KIF2C: variants seen among roughly 807,000 people sequenced by gnomAD.
The protein encoded by KIF2C is kinesin-like protein KIF2C.
A neutral mutation model predicts 97.4 loss-of-function variants in KIF2C; 34 were observed. The observed-to-expected ratio is 0.35, with a 90% CI of 0.27 to 0.46. The LOEUF (loss-of-function observed/expected upper bound fraction) is 0.46, where lower values mean the gene tolerates loss of function less well. Ranked by LOEUF, KIF2C falls within the 20% of genes least tolerant of loss-of-function variation. The probability of loss-of-function intolerance (pLI) is 1.00; values close to 1 mark genes in which losing one functional copy is unlikely to be tolerated. For synonymous variants in KIF2C, 313 were observed against 318.2 expected (o/e 0.98, Z 0.17); for missense variants, 750 against 907.6 (o/e 0.83, Z 2.23).
chr1:44,745,559 C>T (rs1386068764), intron 2 of KIF2C, among the ~76,000 whole-genome samples: 11 of 142,230 alleles, frequency 7.7e-5, no homozygotes, highest in African/African-American at 2.1e-4. Flanking sequence ...CTGCAACCTC[C>T]GCCTCCCGGG....
Position 44,767,274 on chromosome 1 carries a change from T to C in KIF2C, c.*95T>C. The C allele has an allele frequency of 9.3e-7, 1 of 1,080,640 alleles. No individual in the cohort carries two copies. The highest frequency in any genetic ancestry group is 1.4e-6 in the Non-Finnish European group (1 of 717,094). The allele number at this position is 1,080,640 out of a possible 1,614,324, so 66.9% of individuals were successfully genotyped here. On this transcript the variant is annotated 3_prime_UTR_variant, in exon 21 of 21. Coordinates refer to ENST00000372224, the MANE Select transcript of KIF2C (RefSeq NM_006845.4). ...GTACCTGGTGGGTCTAGGCAGGGTC[T>C]GAGCTGGGACAGGTTCTGGTAAATG...
At position 44,757,789 on chromosome 1, in the gene KIF2C, G is replaced by C. The variant is rs1277310567; in HGVS notation, c.1069-119G>C. 3.4e-6 allele frequency: 4 copies of C among 1,180,802 alleles called. No individual in the cohort carries two copies. In the African/African-American group the frequency reaches 6.0e-5, roughly 18 times the overall value. The allele number at this position is 1,180,802 out of a possible 1,614,324, so 73.1% of individuals were successfully genotyped here. ...ATAGCCTTGCCATGTCAGATGCAGG[G>C]AGGGGCTTTAGGTCCAGCCTTCTGG... On this transcript the variant is annotated intron_variant, in intron 11 of 20. Transcript: ENST00000372224.
chr1:44,762,745 G>A (rs1299468115), intron 19 of KIF2C, 87 bp downstream of exon 19: 1 of 828,770 alleles, frequency 1.2e-6, no homozygotes, highest in African/African-American at 1.7e-5. Context: ...CCTGGGCCTT[G>A]TTCCCACAGG....
rs1320974560 is a variant in KIF2C at position 44,750,476 on chromosome 1, C to A, written c.351C>A (p.Val117=). 3 of 1,586,616 alleles carry A rather than the reference C, an allele frequency of 1.9e-6. No homozygotes were observed. Among genetic ancestry groups the A allele is most frequent in the Non-Finnish European group, 2.6e-6 (3 of 1,164,242 alleles). The change falls in exon 5 of 21, where the codon GTC becomes GTA. Residue 117 remains valine, a synonymous_variant. Coordinates refer to ENST00000372224, the MANE Select transcript of KIF2C (RefSeq NM_006845.4). The stretch of plus-strand genomic sequence containing the variant: ...GCCGCTCCACTCGCATGTCCACTGT[C>A]TCAGAGCTTCGCATCACGGCTCAGG... The part of the protein sequence containing the change: ...LRSRSTRMST[V]SELRITAQEN...
In KIF2C at chr1:44,750,618, C is replaced by G. The variant is rs200689534; in HGVS notation, c.439+54C>G. The G allele has an allele frequency of 3.4e-3, 4,729 of 1,411,358 alleles. 8 individuals carry two copies. Among genetic ancestry groups the G allele is most frequent in the Non-Finnish European group, 4.1e-3 (4,418 of 1,066,646 alleles). The allele number at this position is 1,411,358 out of a possible 1,614,324, so 87.4% of individuals were successfully genotyped here. A position where few individuals can be genotyped will look rare whatever the true frequency, so the allele number is the denominator to read the frequency against. ...ATGTTTGAGGCCCTGGAGCACATTG[C>G]TTGGTCCCTGTGCTAGAATATCCTG... On this transcript the variant is annotated intron_variant, in intron 5 of 20. Coordinates refer to ENST00000372224, the MANE Select transcript of KIF2C (RefSeq NM_006845.4).
chr1:44,764,288 TCCTC>T (rs757289701), intron 19 of KIF2C, among the ~76,000 whole-genome samples: 2 of 150,574 alleles, frequency 1.3e-5, no homozygotes, highest in Non-Finnish European at 3.0e-5. Flanking sequence ...CGATTCTCCT[TCCTC>T]AGCCTCCTGC....
Position 44,760,681 on chromosome 1 carries a change from G to A in KIF2C, c.1662G>A (p.Gly554=), listed in dbSNP as rs373279793. The A allele has an allele frequency of 6.2e-6, 10 of 1,613,916 alleles. No homozygotes were observed. The African/African-American group carries it at 8.0e-5, about 13-fold the overall frequency. ...AGGTGCTGAGGGACTCCTTCATTGG[G>A]GAGAACTCTAGGACTTGCATGGTGA... ...LTQVLRDSFI[G]ENSRTCMIAT... is the part of the protein sequence containing the mutation. Residue 554 remains glycine, a synonymous_variant, in exon 16 of 21, where the codon GGG becomes GGA. Coordinates refer to ENST00000372224, the MANE Select transcript of KIF2C (RefSeq NM_006845.4). This position sits in a 1 kb window ranked among gnomAD's most constrained non-coding sequence, Gnocchi z 4.2.
At chr1:44,747,132 A>AC (rs1332921226) in intron 2 of KIF2C, among the ~76,000 whole-genome samples, 2 of 151,868 alleles carry the variant, frequency 1.3e-5, no homozygotes, top group African/African-American at 4.8e-5. Flanking sequence ...ACATGGTGAA[A>AC]CCCTGTCTCT....
At chr1:44,756,695 G>T (rs974037323) in intron 10 of KIF2C, among the ~76,000 whole-genome samples, 4 of 151,386 alleles carry the variant, frequency 2.6e-5, no homozygotes, top group African/African-American at 7.3e-5. Context: ...TGGGATTACA[G>T]GCGCCTGCCA....
At chr1:44,752,852 A>T (rs1157587853) in intron 5 of KIF2C, among the ~76,000 whole-genome samples, 2 of 152,222 alleles carry the variant, frequency 1.3e-5, no homozygotes, top group African/African-American at 4.8e-5. Context: ...GCTTGGGTGA[A>T]GTCTAAAGAG....
intron 19 of KIF2C, among the ~76,000 whole-genome samples, chr1:44,764,980 C>T (rs1218090037): frequency 1.3e-5 from 2 of 152,104 alleles, no homozygotes; most frequent in South Asian, 2.1e-4. Flanking sequence ...ATTAGCCAGG[C>T]ATGGTGGCAG....
In KIF2C at chr1:44,767,143, T is replaced by C. The variant is rs1650512032; in HGVS notation, c.2142T>C (p.Ala714=). Reference sequence around the variant, plus strand: ...TGGCCATGCAGCTGGAAGAGCAGGCTAGCAGACAAATAAGCAGCAAGAAAC... The same window carrying C: ...TGGCCATGCAGCTGGAAGAGCAGGCCAGCAGACAAATAAGCAGCAAGAAAC... ...LRLAMQLEEQ[A]SRQISSKKRP... Residue 714 remains alanine, a synonymous_variant, in exon 21 of 21, where the codon GCT becomes GCC. Transcript: ENST00000372224. The C allele has an allele frequency of 1.2e-6, 2 of 1,614,046 alleles. No individual in the cohort carries two copies. The highest frequency in any genetic ancestry group is 2.7e-5 in the African/African-American group (2 of 74,922).
At chr1:44,766,688 A>G (rs1650486579) in intron 19 of KIF2C, 138 bp from the exon 20 acceptor site, 1 of 824,800 alleles carries the variant, frequency 1.2e-6, no homozygotes, top group Non-Finnish European at 1.9e-6. Context: ...TTCCTTGGGG[A>G]GAGGGTGAAC....
chr1:44,754,543 G>C (rs1003249498), intron 7 of KIF2C, among the ~76,000 whole-genome samples: 3 of 152,146 alleles, frequency 2.0e-5, no homozygotes, highest in African/African-American at 7.2e-5. Flanking sequence ...CCTAGTTCCA[G>C]TTCCTAGCGT....
chr1:44,750,698 G>T, intron 5 of KIF2C, 134 bp downstream of exon 5: 1 of 1,034,762 alleles, frequency 9.7e-7, no homozygotes. Context: ...CTACCAACAC[G>T]GCTTTCTTAT....
At chr1:44,741,768 C>T (rs983488050) in intron 2 of KIF2C, among the ~76,000 whole-genome samples, 3 of 151,934 alleles carry the variant, frequency 2.0e-5, no homozygotes, top group Admixed American at 6.6e-5. Context: ...GTGGGCAGAT[C>T]GCTTTGAGCT....
At chr1:44,761,771 C>A in intron 16 of KIF2C, 145 bp from the exon 17 acceptor site, 1 of 730,024 alleles carries the variant, frequency 1.4e-6, no homozygotes, top group Non-Finnish European at 2.4e-6. Context: ...CCTAGCACAG[C>A]GCGGTGCTAA....
chr1:44,767,186 C>G lies in KIF2C; in HGVS notation c.*7C>G, dbSNP rs1393997346. On this transcript the variant is annotated 3_prime_UTR_variant, in exon 21 of 21. Transcript: ENST00000372224. ...CAAGAAACGGCCCCAGTGACGACTG[C>G]AAATAAAAATCTGTTTGGTTTGACA... 1 of 1,613,182 alleles carries G rather than the reference C, an allele frequency of 6.2e-7. No homozygotes were observed. The highest frequency in any genetic ancestry group is 8.5e-7 in the Non-Finnish European group (1 of 1,179,342).
chr1:44,744,083 T>TTTTTTTG (rs1227880237), intron 2 of KIF2C, among the ~76,000 whole-genome samples: 1 of 131,202 alleles, frequency 7.6e-6, no homozygotes, highest in Non-Finnish European at 1.7e-5. Flanking sequence ...CTCTGGTTTT[T>TTTTTTTG]TTTTTTGTTT....
Sources: allele counts gnomAD v4.1 joint callset (sites outside exome capture counted in the v4.1 genomes callset), GRCh38; gene constraint gnomAD v4.1.1; non-coding constraint Gnocchi (gnomAD v3.1); transcripts MANE v1.5; gene names NCBI Gene and HGNC (gene_info 2026-07-23, HGNC 2026-07-21).